Variants in SMIM14 observed in about 807,000 individuals in gnomAD.
SMIM14 encodes small integral membrane protein 14.
SMIM14 carries 5 observed loss-of-function variants against 12.6 expected under a neutral mutation model. The ratio of observed to expected loss-of-function variants is 0.40; its 90% confidence interval spans 0.21 to 0.83. SMIM14 has a LOEUF of 0.83. Ranked by LOEUF, SMIM14 falls within the 40% of genes least tolerant of loss-of-function variation. The pLI is 0.37. For missense variants in SMIM14, 86 were observed against 119.1 expected (o/e 0.72, Z 1.29); for synonymous variants, 30 against 40.1 (o/e 0.75, Z 0.95).
At chr4:39,610,686 C>A (rs1294653118) in intron 1 of SMIM14, among the ~76,000 whole-genome samples, 12 of 148,672 alleles carry the variant, frequency 8.1e-5, no homozygotes, top group Non-Finnish European at 1.3e-4. Context: ...CAGAACTAGA[C>A]CTGGTCTCTT....
intron 1 of SMIM14, among the ~76,000 whole-genome samples, chr4:39,623,372 A>C (rs895145251): frequency 6.6e-6 from 1 of 152,164 alleles, no homozygotes; most frequent in Non-Finnish European, 1.5e-5. Flanking sequence ...ACAAACAATT[A>C]TCTCTTCCCC....
chr4:39,558,933 C>T lies in SMIM14; in HGVS notation c.125-2363G>A, dbSNP rs1174788838. ...CCATGTTGGCCAGGCTGGTCTCAAA[C>T]TCCTGACCTCGTGATCTGCCTGCTT... On this transcript the variant is annotated intron_variant, in intron 3 of 4. Transcript: ENST00000295958. The surrounding 1 kb of genome is among the most constrained non-coding windows in gnomAD (Gnocchi z 4.3). Among the ~76,000 whole-genome samples the T allele has an allele frequency of 6.6e-6, 1 of 152,178 alleles. No homozygotes were observed. The highest frequency in any genetic ancestry group is 1.5e-5 in the Non-Finnish European group (1 of 68,022).
intron 1 of SMIM14, among the ~76,000 whole-genome samples, 160 bp from the exon 2 acceptor site, chr4:39,605,340 T>G (rs928516911): frequency 6.6e-6 from 1 of 152,194 alleles, no homozygotes; most frequent in Admixed American, 6.6e-5. Context: ...TAATCTTATA[T>G]GAATTATGAA....
At chr4:39,609,661 G>A (rs1298015479) in intron 1 of SMIM14, among the ~76,000 whole-genome samples, 1 of 152,166 alleles carries the variant, frequency 6.6e-6, no homozygotes, top group Non-Finnish European at 1.5e-5. Flanking sequence ...GCCACAAAGG[G>A]TCTTTCCGGC....
chr4:39,578,782 G>A (rs1713335154), intron 2 of SMIM14, among the ~76,000 whole-genome samples: 1 of 152,080 alleles, frequency 6.6e-6, no homozygotes, highest in Non-Finnish European at 1.5e-5. Context: ...GATCGCCTGA[G>A]GTCAGGAGTT....
At chr4:39,632,352 C>A (rs980521653) in intron 1 of SMIM14, among the ~76,000 whole-genome samples, 3 of 151,870 alleles carry the variant, frequency 2.0e-5, no homozygotes, top group Admixed American at 2.0e-4. Flanking sequence ...TGGTGGCACG[C>A]GCCTGTAATC....
At position 39,550,840 on chromosome 4, in the gene SMIM14, A is replaced by C. The variant is rs1176415871; in HGVS notation, c.*1286T>G. On this transcript the variant is annotated 3_prime_UTR_variant, in exon 5 of 5. Coordinates refer to ENST00000295958, the MANE Select transcript of SMIM14 (RefSeq NM_174921.3). ...AGGTCAGAGGATAACAAAAGACTCA[A>C]TGTAGTAAATAAGTAAATAGGCATT... 2 of 152,166 alleles carry C rather than the reference A, an allele frequency of 1.3e-5. No individual in the cohort carries two copies. The highest frequency in any genetic ancestry group is 4.8e-5 in the African/African-American group (2 of 41,454). 9.4% of individuals were successfully genotyped at this position (152,166 alleles called of 1,614,324 possible).
chr4:39,612,990 T>G (rs1715091535), intron 1 of SMIM14, among the ~76,000 whole-genome samples: 1 of 152,228 alleles, frequency 6.6e-6, no homozygotes, highest in African/African-American at 2.4e-5. Context: ...CACAAGCACA[T>G]TGGCTTTTAT....
At chr4:39,592,318 G>T (rs1422861818) in intron 2 of SMIM14, among the ~76,000 whole-genome samples, 2 of 143,176 alleles carry the variant, frequency 1.4e-5, no homozygotes, top group African/African-American at 5.2e-5. Flanking sequence ...GCTCAGGCTG[G>T]TTTCTAAATC....
chr4:39,568,616 C>T, intron 3 of SMIM14, among the ~76,000 whole-genome samples: 1 of 152,140 alleles, frequency 6.6e-6, no homozygotes, highest in Admixed American at 6.5e-5. Flanking sequence ...CTCAAATTCC[C>T]ACGATCCTAA....
chr4:39,632,093 AAAAAT>A (rs1176111163), intron 1 of SMIM14, among the ~76,000 whole-genome samples: 2 of 152,210 alleles, frequency 1.3e-5, no homozygotes, highest in African/African-American at 4.8e-5. Context: ...TTAATTCTTT[AAAAAT>A]AAAATATGCA....
chr4:39,551,287 A>T lies in SMIM14; in HGVS notation c.*839T>A, dbSNP rs1334998299. 2 of 152,596 alleles carry T rather than the reference A, an allele frequency of 1.3e-5. No individual in the cohort carries two copies. The highest frequency in any genetic ancestry group is 4.8e-5 in the African/African-American group (2 of 41,454). The allele number at this position is 152,596 out of a possible 1,614,324, so 9.5% of individuals were successfully genotyped here. A position where few individuals can be genotyped will look rare whatever the true frequency, so the allele number is the denominator to read the frequency against. On this transcript the variant is annotated 3_prime_UTR_variant, in exon 5 of 5. Transcript: ENST00000295958. Reference sequence around the variant, plus strand: ...GAGGCACTCATTTTAAAAATAAATTATAGCTTAAATTATTACTATGTGGAT... The same window carrying T: ...GAGGCACTCATTTTAAAAATAAATTTTAGCTTAAATTATTACTATGTGGAT...
intron 2 of SMIM14, among the ~76,000 whole-genome samples, chr4:39,591,153 T>C (rs1471443847): frequency 1.3e-5 from 2 of 152,108 alleles, no homozygotes; most frequent in African/African-American, 4.8e-5. Context: ...CTTAATACAA[T>C]GTACAGGCTA....
intron 1 of SMIM14, among the ~76,000 whole-genome samples, chr4:39,619,154 ATAATT>A (rs746850513): frequency 2.1e-4 from 31 of 148,884 alleles, no homozygotes; most frequent in East Asian, 7.8e-4. Context: ...TGAGATAATT[ATAATT>A]TAATTTATTA....
intron 1 of SMIM14, among the ~76,000 whole-genome samples, chr4:39,619,200 C>A (rs186594425): frequency 0.018 from 2,494 of 137,848 alleles, 102 homozygotes; most frequent in African/African-American, 0.061. Context: ...TTAATTTATT[C>A]TATATATCAA....
intron 4 of SMIM14, 115 bp downstream of exon 4, chr4:39,556,313 A>G (rs1469244269): frequency 6.4e-6 from 6 of 943,202 alleles, no homozygotes; most frequent in Admixed American, 2.6e-5. Context: ...AGAATACTCT[A>G]TGAGTTAAAT....
intron 2 of SMIM14, among the ~76,000 whole-genome samples, chr4:39,591,628 T>C (rs1341954178): frequency 6.6e-6 from 1 of 152,122 alleles, no homozygotes; most frequent in Non-Finnish European, 1.5e-5. Context: ...TGATATCAGA[T>C]CACTGCAACC....
At chr4:39,552,180 T>TC in intron 4 of SMIM14, 22 bp from the exon 5 acceptor site, 1 of 1,560,294 alleles carries the variant, frequency 6.4e-7, no homozygotes, top group Non-Finnish European at 8.6e-7. Context: ...AAGAAATAAA[T>TC]TATTTAATTG....
At chr4:39,566,096 C>G (rs9918057) in intron 3 of SMIM14, among the ~76,000 whole-genome samples, 3 of 150,020 alleles carry the variant, frequency 2.0e-5, no homozygotes, top group Non-Finnish European at 4.4e-5. Context: ...CAGTTAAGAA[C>G]CTGTTGCAAT....
Sources: allele counts gnomAD v4.1 joint callset (sites outside exome capture counted in the v4.1 genomes callset), GRCh38; gene constraint gnomAD v4.1.1; non-coding constraint Gnocchi (gnomAD v3.1); transcripts MANE v1.5; gene names NCBI Gene and HGNC (gene_info 2026-07-23, HGNC 2026-07-21).